The following ZNF536 variants were observed in gnomAD, a reference collection of about 807,000 sequenced individuals.
ZNF536 encodes zinc finger protein 536.
ZNF536 carries 13 observed loss-of-function variants against 84.5 expected under a neutral mutation model. The observed-to-expected ratio is 0.15, with a 90% CI of 0.10 to 0.24. ZNF536 has a LOEUF of 0.24. ZNF536 is among the 10% of genes least tolerant of loss of function. The probability of loss-of-function intolerance (pLI) is 1.00; values close to 1 mark genes in which losing one functional copy is unlikely to be tolerated. For synonymous variants in ZNF536, 811 were observed against 742.5 expected (o/e 1.09, Z -1.50); for missense variants, 1,536 against 1,747.5 (o/e 0.88, Z 2.16).
At chr19:30,647,766 TCAC>T (rs888808852) in intron 1 of ZNF536, among the ~76,000 whole-genome samples, 23 of 152,160 alleles carry the variant, frequency 1.5e-4, no homozygotes, top group Non-Finnish European at 1.5e-4. Flanking sequence ...GTTGATAGCA[TCAC>T]CAACTTTTAA....
At chr19:30,624,801 C>A (rs773037819) in intron 1 of ZNF536, among the ~76,000 whole-genome samples, 4 of 152,140 alleles carry the variant, frequency 2.6e-5, no homozygotes, top group Non-Finnish European at 5.9e-5. Context: ...AAAGGAGGGA[C>A]CCAGTGAGAG....
Position 30,548,997 on chromosome 19 carries a change from C to T in ZNF536, c.3378C>T (p.Ala1126=), listed in dbSNP as rs780129494. ...ACCCAGGCATGGTTGGCTCAGGGGCCTCCAGTTCCTGCCCCAACAAGGAGC... is the reference window on the plus strand; with the variant it reads ...ACCCAGGCATGGTTGGCTCAGGGGCTTCCAGTTCCTGCCCCAACAAGGAGC... ...GVYPGMVGSG[A]SSSCPNKEPD... Residue 1126 remains alanine, a synonymous_variant, in exon 4 of 5, where the codon GCC becomes GCT. Coordinates refer to ENST00000355537, the MANE Select transcript of ZNF536 (RefSeq NM_014717.3). 2.5e-6 allele frequency: 4 copies of T among 1,614,028 alleles called. No homozygotes were observed. Among genetic ancestry groups the T allele is most frequent in the Non-Finnish European group, 3.4e-6 (4 of 1,180,034 alleles).
At chr19:30,460,895 C>G (rs1201375414) in intron 2 of ZNF536, among the ~76,000 whole-genome samples, 1 of 152,170 alleles carries the variant, frequency 6.6e-6, no homozygotes, top group Non-Finnish European at 1.5e-5. Flanking sequence ...AAGGGAACAG[C>G]CTGGTCATCT....
chr19:30,447,205 C>A (rs984995879), intron 2 of ZNF536, among the ~76,000 whole-genome samples: 2 of 152,160 alleles, frequency 1.3e-5, no homozygotes, highest in African/African-American at 4.8e-5. Context: ...CTTGATCCCC[C>A]CCACCCTCAC....
At chr19:30,471,482 G>A (rs192521485) in intron 2 of ZNF536, among the ~76,000 whole-genome samples, 1 of 152,336 alleles carries the variant, frequency 6.6e-6, no homozygotes, top group East Asian at 1.9e-4. Context: ...GACGTGCACA[G>A]GTCGCAGTCC....
intron 1 of ZNF536, among the ~76,000 whole-genome samples, chr19:30,621,966 C>T (rs749505982): frequency 2.0e-5 from 3 of 152,202 alleles, no homozygotes; most frequent in Non-Finnish European, 2.9e-5. Context: ...AATTCATATC[C>T]GCACTCCTCA....
At chr19:30,260,543 G>T (rs538848959) in intron 1 of ZNF536, among the ~76,000 whole-genome samples, 2 of 152,334 alleles carry the variant, frequency 1.3e-5, no homozygotes, top group East Asian at 3.9e-4. Context: ...TCGGCCATTG[G>T]CAATTCTCAG....
chr19:30,286,536 G>C (rs902284070), intron 2 of ZNF536, among the ~76,000 whole-genome samples: 3 of 136,396 alleles, frequency 2.2e-5, no homozygotes, highest in East Asian at 6.0e-4. Context: ...GAGACAGAGA[G>C]AGAGAGAGAG....
chr19:30,667,975 A>G (rs2050398405), intron 1 of ZNF536, among the ~76,000 whole-genome samples: 1 of 152,156 alleles, frequency 6.6e-6, no homozygotes, highest in Admixed American at 6.5e-5. Context: ...GGTAATTGGC[A>G]GGGCTAGATT....
intron 1 of ZNF536, among the ~76,000 whole-genome samples, chr19:30,580,119 G>T (rs1165457410): frequency 2.0e-5 from 3 of 152,086 alleles, no homozygotes; most frequent in Admixed American, 2.0e-4. Flanking sequence ...CTGCTCTCTT[G>T]CCCTCAGGGG....
intron 1 of ZNF536, among the ~76,000 whole-genome samples, chr19:30,572,952 C>A (rs761991546): frequency 2.0e-5 from 3 of 152,164 alleles, no homozygotes; most frequent in Non-Finnish European, 4.4e-5. Context: ...AACCCTTAGA[C>A]ATGTGAGTTA....
chr19:30,598,908 C>T (rs1247707666), intron 1 of ZNF536, among the ~76,000 whole-genome samples: 1 of 151,192 alleles, frequency 6.6e-6, no homozygotes, highest in Admixed American at 6.6e-5. Context: ...GTGCCTGCCT[C>T]TCTCACTCCT....
At chr19:30,290,092 C>T (rs767599045) in intron 2 of ZNF536, among the ~76,000 whole-genome samples, 42 of 152,268 alleles carry the variant, frequency 2.8e-4, no homozygotes, top group Admixed American at 1.1e-3. Flanking sequence ...AATTTGACTA[C>T]TCTAGGTACT....
intron 1 of ZNF536, among the ~76,000 whole-genome samples, chr19:30,381,140 A>T (rs1487214460): frequency 6.6e-6 from 1 of 152,322 alleles, no homozygotes; most frequent in African/African-American, 2.4e-5. Context: ...AGCCTACCAA[A>T]GCACTGGGAT....
chr19:30,520,248 A>G (rs73024886), intron 2 of ZNF536, among the ~76,000 whole-genome samples: 14,713 of 152,190 alleles, frequency 0.097, 981 homozygotes, highest in Non-Finnish European at 0.15. Flanking sequence ...AAGCTCTTAA[A>G]TTCTTTTTCA....
At chr19:30,587,018 A>G (rs981290466) in intron 1 of ZNF536, among the ~76,000 whole-genome samples, 2 of 152,218 alleles carry the variant, frequency 1.3e-5, no homozygotes, top group Non-Finnish European at 2.9e-5. Flanking sequence ...AAGAACAACT[A>G]AAAAGATTTC....
At chr19:30,297,387 C>T (rs962646504) in intron 2 of ZNF536, among the ~76,000 whole-genome samples, 3 of 152,028 alleles carry the variant, frequency 2.0e-5, no homozygotes, top group African/African-American at 7.2e-5. Context: ...TTTTTAATGG[C>T]CCACGTTTGA....
At position 30,443,681 on chromosome 19, in the gene ZNF536, C is replaced by T. The variant is rs1225452664; in HGVS notation, c.119C>T (p.Thr40Ile). 6.2e-7 allele frequency: 1 copy of T among 1,613,924 alleles called. No individual in the cohort carries two copies. Among genetic ancestry groups the T allele is most frequent in the East Asian group, 2.2e-5 (1 of 44,874 alleles). Residue 40 changes from threonine to isoleucine, a missense_variant, in exon 2 of 5, where the codon ACC (threonine) becomes ATC (isoleucine). Around this residue, in one of 8 missense-constraint regions of ZNF536, gnomAD observed 161 missense variants for 178.5 expected, o/e 0.90. Coordinates refer to ENST00000355537, the MANE Select transcript of ZNF536 (RefSeq NM_014717.3). ...ATGAGTCAGAAGCTGCACCAGATCA[C>T]CTCCCAGCTCAGCCATGCCTTCCCC... is the stretch of plus-strand genomic sequence containing the variant. ...YAMSQKLHQI[T>I]SQLSHAFPEL... is the part of the protein sequence containing the mutation.
intron 1 of ZNF536, among the ~76,000 whole-genome samples, chr19:30,687,162 A>G (rs2051223410): frequency 6.6e-6 from 1 of 152,212 alleles, no homozygotes; most frequent in Non-Finnish European, 1.5e-5. Context: ...CTGCAAATGC[A>G]TGCCTGGGCC....
Sources: gnomAD v4.1 joint callset for allele counts (sites outside exome capture counted in the v4.1 genomes callset) on GRCh38, gnomAD v4.1.1 for gene constraint, gnomAD v4.1.1 regional missense constraint, MANE v1.5 for transcripts, NCBI Gene and HGNC (gene_info 2026-07-23, HGNC 2026-07-21) for gene names.